COL18A1: variants seen among roughly 807,000 people sequenced by gnomAD.
COL18A1 encodes the protein collagen alpha-1(XVIII) chain.
Under a neutral mutation model 168.0 loss-of-function variants are expected in COL18A1, and 133 were observed. The ratio of observed to expected loss-of-function variants is 0.79; its 90% CI spans 0.69 to 0.91. The LOEUF is 0.91. Ranked by LOEUF, COL18A1 falls within the 40% of genes least tolerant of loss-of-function variation. COL18A1 has a pLI of 0.00. For missense variants in COL18A1, 2,126 were observed against 1,925.4 expected, an observed-to-expected ratio of 1.10 and a Z score of -1.95; for synonymous variants, 949 against 809.0, an observed-to-expected ratio of 1.17 and a Z score of -2.94.
chr21:45,453,125 C>T (rs2034683722), intron 2 of COL18A1, among the ~76,000 whole-genome samples: 2 of 146,084 alleles, frequency 1.4e-5, no homozygotes, highest in African/African-American at 2.6e-5. Context: ...TGTGTGTGGG[C>T]TTGTGTATGC....
intron 5 of COL18A1, 45 bp from the exon 6 acceptor site, chr21:45,476,306 C>T (rs925337682): frequency 1.9e-6 from 3 of 1,612,826 alleles, no homozygotes; most frequent in Non-Finnish European, 1.7e-6. Context: ...CTCCACCGGG[C>T]ATCTGCCGGC....
chr21:45,456,242 A>T (rs189589098), intron 2 of COL18A1: 2 of 1,595,980 alleles, frequency 1.3e-6, no homozygotes, highest in African/African-American at 1.3e-5. Flanking sequence ...GGACCCAGAC[A>T]GCCAAGGACT....
chr21:45,493,087 CGGGGGAGATGGAGCAGCCGTCGGGGAT>C (rs1568924952), intron 24 of COL18A1, 49 bp from the exon 25 acceptor site: 4 of 1,412,870 alleles, frequency 2.8e-6, no homozygotes, highest in South Asian at 1.2e-5. Context: ...GGGCAGCTGT[CGGGGGAGATGGAGCAGCCGTCGGGGAT>C]GGGGGAGATG....
chr21:45,479,854 C>G, intron 9 of COL18A1, 48 bp from the exon 10 acceptor site: 1 of 1,611,538 alleles, frequency 6.2e-7, no homozygotes. Flanking sequence ...CTGGGTGCGG[C>G]CCATGGTGGT....
chr21:45,508,124 C>T (rs547835350), intron 38 of COL18A1, among the ~76,000 whole-genome samples: 230 of 100,924 alleles, frequency 2.3e-3, no homozygotes, highest in Non-Finnish European at 3.4e-3. Flanking sequence ...GGTGAGTGGA[C>T]GGGTGGGTGG....
intron 37 of COL18A1, chr21:45,506,352 G>C (rs917223190): frequency 5.6e-6 from 2 of 354,618 alleles, no homozygotes; most frequent in East Asian, 7.3e-5. Flanking sequence ...GGCCCCGGCT[G>C]GGGGGCAGGC....
chr21:45,506,216 C>T, intron 37 of COL18A1: 1 of 534,034 alleles, frequency 1.9e-6, no homozygotes, highest in South Asian at 2.0e-5. Flanking sequence ...CCTGGTGGGT[C>T]ATGTCACAGT....
Position 45,512,908 on chromosome 21 carries a change from A to G in COL18A1, c.*510A>G, listed in dbSNP as rs1312123121. 2 of 194,908 alleles carry G rather than the reference A, an allele frequency of 1.0e-5. No individual in the cohort carries two copies. Among genetic ancestry groups the G allele is most frequent in the African/African-American group, 2.4e-5 (1 of 42,376 alleles). The allele number at this position is 194,908 out of a possible 1,614,324, so 12.1% of individuals were successfully genotyped here. The stretch of plus-strand genomic sequence containing the variant: ...AGGGTGTGTGCTCGCCCTGCGGTAG[A>G]TGGGAGGGAGGCTCAGGTCCCTGGG... On this transcript the variant is annotated 3_prime_UTR_variant, in exon 42 of 42. Coordinates refer to ENST00000651438, the MANE Select transcript of COL18A1 (RefSeq NM_001379500.1).
intron 2 of COL18A1, among the ~76,000 whole-genome samples, chr21:45,437,296 A>T (rs554611886): frequency 4.8e-4 from 53 of 110,180 alleles, no homozygotes; most frequent in Middle Eastern, 5.8e-3. Flanking sequence ...CTGCACACAC[A>T]CACACTCACA....
intron 32 of COL18A1, among the ~76,000 whole-genome samples, chr21:45,499,869 G>A (rs887847664): frequency 5.3e-5 from 8 of 152,202 alleles, no homozygotes; most frequent in African/African-American, 7.2e-5. Flanking sequence ...TGCAGAACAC[G>A]TGGGATGAAT....
At chr21:45,421,569 T>C (rs761271291) in intron 2 of COL18A1, 1 of 534,574 alleles carries the variant, frequency 1.9e-6, no homozygotes, top group South Asian at 1.4e-5. Context: ...ACCTCGGCCT[T>C]CCATTTCTTA....
In COL18A1 at chr21:45,486,962, G is replaced by T; in HGVS notation, c.1803G>T (p.Gly601=). The T allele has an allele frequency of 1.3e-6, 2 of 1,505,802 alleles. No individual in the cohort carries two copies. The highest frequency in any genetic ancestry group is 8.8e-7 in the Non-Finnish European group (1 of 1,131,668). 93.3% of individuals were successfully genotyped at this position (1,505,802 alleles called of 1,614,324 possible). Residue 601 remains glycine, a synonymous_variant, in exon 16 of 42, where the codon GGG becomes GGT. Coordinates refer to ENST00000651438, the MANE Select transcript of COL18A1 (RefSeq NM_001379500.1). ...CACCAGGCCCCCCTGGGCCCCCTGGGCCCCCAGGACCAGGACTCCCCGCTG... is the reference window on the plus strand; with the variant it reads ...CACCAGGCCCCCCTGGGCCCCCTGGTCCCCCAGGACCAGGACTCCCCGCTG... ...AGPPGPPGPP[G]PPGPGLPAGF...
rs116317535 is a variant in COL18A1, at chr21:45,457,338, G to A, written c.107-10904G>A. Among the ~76,000 whole-genome samples the A allele has an allele frequency of 0.019, 2,923 of 152,252 alleles. 90 individuals carry two copies. Among genetic ancestry groups the A allele is most frequent in the African/African-American group, 0.066 (2,742 of 41,526 alleles). On this transcript the variant is annotated intron_variant, in intron 2 of 41. Transcript: ENST00000651438. This position sits in a 1 kb window ranked among gnomAD's most constrained non-coding sequence, Gnocchi z 4.6. ...CTTCCTGGGAGCCCCAGCGTGCTCGGGCCAAGGGTGCTGCCGCGTGGGCAG... is the reference window on the plus strand; with the variant it reads ...CTTCCTGGGAGCCCCAGCGTGCTCGAGCCAAGGGTGCTGCCGCGTGGGCAG...
Position 45,468,806 on chromosome 21 carries a change from C to T in COL18A1, c.651+20C>T, listed in dbSNP as rs758178531. On this transcript the variant is annotated intron_variant, in intron 3 of 41. Coordinates refer to ENST00000651438, the MANE Select transcript of COL18A1 (RefSeq NM_001379500.1). ...TTCCAGGTAACCCCCACTGTGCCGTCGCTGGGGGACTGGAGCAGCTGGGAT... is the reference window on the plus strand; with the variant it reads ...TTCCAGGTAACCCCCACTGTGCCGTTGCTGGGGGACTGGAGCAGCTGGGAT... The T allele has an allele frequency of 1.7e-5, 22 of 1,289,868 alleles. No homozygotes were observed. Among genetic ancestry groups the T allele is most frequent in the South Asian group, 3.6e-5 (3 of 82,456 alleles). 79.9% of individuals were successfully genotyped at this position (1,289,868 alleles called of 1,614,324 possible).
rs2033681386 is a variant in COL18A1, at chr21:45,423,244, G to A, written c.106+17771G>A. Reference sequence around the variant, plus strand: ...TATGTTCCATGGTGACATGGTTCTTGAGGGTTAGCTGGTCCAGTTCCCGCG... The same window carrying A: ...TATGTTCCATGGTGACATGGTTCTTAAGGGTTAGCTGGTCCAGTTCCCGCG... On this transcript the variant is annotated intron_variant, in intron 2 of 41. Transcript: ENST00000651438. This position sits in a 1 kb window ranked among gnomAD's most constrained non-coding sequence, Gnocchi z 4.0. Among the ~76,000 whole-genome samples, 1 of 152,198 alleles carries A rather than the reference G, an allele frequency of 6.6e-6. No individual in the cohort carries two copies. The highest frequency in any genetic ancestry group is 2.4e-5 in the African/African-American group (1 of 41,442).
intron 39 of COL18A1, 112 bp downstream of exon 39, chr21:45,509,713 T>C: frequency 1.3e-6 from 1 of 754,892 alleles, no homozygotes; most frequent in South Asian, 1.5e-5. Context: ...CGGCCATGGG[T>C]GGGGGTCTGG....
At chr21:45,447,718 G>C (rs766165725) in intron 2 of COL18A1, among the ~76,000 whole-genome samples, 1 of 152,160 alleles carries the variant, frequency 6.6e-6, no homozygotes, top group Non-Finnish European at 1.5e-5. Flanking sequence ...GGGACCTCTT[G>C]GCTCTCGAAC....
rs1323735314 is a variant in COL18A1, at chr21:45,463,929, C to T, written c.107-4313C>T. On this transcript the variant is annotated intron_variant, in intron 2 of 41. Coordinates refer to ENST00000651438, the MANE Select transcript of COL18A1 (RefSeq NM_001379500.1). This position sits in a 1 kb window ranked among gnomAD's most constrained non-coding sequence, Gnocchi z 4.0. ...AAAAAGAAAAGGAAAGAAATCAAGT[C>T]TTGAGGCATCATCATTGTTATATCA... Among the ~76,000 whole-genome samples the T allele has an allele frequency of 6.6e-6, 1 of 152,100 alleles. No individual in the cohort carries two copies. The highest frequency in any genetic ancestry group is 2.4e-5 in the African/African-American group (1 of 41,426).
intron 2 of COL18A1, among the ~76,000 whole-genome samples, chr21:45,452,468 T>A (rs1054179670): frequency 1.3e-5 from 2 of 151,424 alleles, no homozygotes; most frequent in Non-Finnish European, 2.9e-5. Context: ...TGTGAGCATA[T>A]ATGTACGTGT....
Sources: allele counts gnomAD v4.1 joint callset (sites outside exome capture counted in the v4.1 genomes callset), GRCh38; gene constraint gnomAD v4.1.1; non-coding constraint Gnocchi (gnomAD v3.1); transcripts MANE v1.5; gene names NCBI Gene and HGNC (gene_info 2026-07-23, HGNC 2026-07-21).